The following LGR4 variants were observed in gnomAD, a reference collection of about 807,000 sequenced individuals.
LGR4 encodes leucine rich repeat containing G protein-coupled receptor 4, also known as leucine-rich repeat-containing G protein-coupled receptor 4.
LGR4 carries 44 observed loss-of-function variants against 84.8 expected under a neutral mutation model. The ratio of observed to expected loss-of-function variants is 0.52; its 90% CI spans 0.41 to 0.67. The LOEUF (loss-of-function observed/expected upper bound fraction) is 0.67, where lower values mean the gene tolerates loss of function less well. Ranked by LOEUF, LGR4 falls within the 30% of genes least tolerant of loss-of-function variation. LGR4 has a pLI of 0.00. For missense variants in LGR4, 1,032 were observed against 1,131.4 expected (o/e 0.91, Z 1.26); for synonymous variants, 429 against 434.3 (o/e 0.99, Z 0.15).
At chr11:27,418,876 C>G (rs1319544428) in intron 1 of LGR4, among the ~76,000 whole-genome samples, 1 of 149,940 alleles carries the variant, frequency 6.7e-6, no homozygotes, top group Non-Finnish European at 1.5e-5. Context: ...CTTTGTTGCC[C>G]CAGGCTAGAA....
chr11:27,371,463 G>T, intron 17 of LGR4, 152 bp downstream of exon 17: 1 of 510,358 alleles, frequency 2.0e-6, no homozygotes, highest in Non-Finnish European at 3.4e-6. Flanking sequence ...CTAAGCTGCT[G>T]GCTGGTACGC....
At chr11:27,439,701 T>C (rs1480624946) in intron 1 of LGR4, among the ~76,000 whole-genome samples, 2 of 152,158 alleles carry the variant, frequency 1.3e-5, no homozygotes, top group Non-Finnish European at 2.9e-5. Context: ...GGTGCATTTT[T>C]ACTCGGCAAT....
intron 11 of LGR4, among the ~76,000 whole-genome samples, 165 bp from the exon 12 acceptor site, chr11:27,377,388 ACCT>A (rs1863005076): frequency 6.6e-6 from 1 of 152,052 alleles, no homozygotes; most frequent in South Asian, 2.1e-4. Context: ...CTTCTCAAAT[ACCT>A]CAGTGATACA....
chr11:27,377,170 G>C lies in LGR4; in HGVS notation c.1097C>G (p.Ala366Gly), dbSNP rs747002151. The change falls in exon 12 of 18, where the codon GCT becomes GGT. Residue 366 changes from alanine to glycine, a missense_variant. By Grantham distance (60) the Ala-to-Gly change is moderately conservative. Coordinates refer to ENST00000379214, the MANE Select transcript of LGR4 (RefSeq NM_018490.5). ...AAGACCAACTCACATTTCTTCCAGA[G>C]CATGGCAACCATTAAAACTTGGAAG... ...RDLPSFNGCH[A>G]LEEISLQRNQ... is the part of the protein sequence containing the mutation. 1.3e-6 allele frequency: 2 copies of C among 1,587,086 alleles called. No homozygotes were observed. The highest frequency in any genetic ancestry group is 1.1e-5 in the South Asian group (1 of 88,988).
intron 1 of LGR4, among the ~76,000 whole-genome samples, chr11:27,413,453 A>G (rs188240329): frequency 9.1e-4 from 138 of 152,264 alleles, no homozygotes; most frequent in Non-Finnish European, 1.6e-3. Context: ...GTCCGCAGAA[A>G]GAAAACTCAC....
At chr11:27,372,084 C>T (rs570948482) in intron 16 of LGR4, among the ~76,000 whole-genome samples, 199 bp downstream of exon 16, 11 of 152,098 alleles carry the variant, frequency 7.2e-5, no homozygotes, top group East Asian at 1.9e-4. Flanking sequence ...AGGCTGGTCT[C>T]GAACTCTTAG....
intron 5 of LGR4, 79 bp from the exon 6 acceptor site, chr11:27,384,486 G>T: frequency 2.1e-6 from 2 of 965,402 alleles, no homozygotes; most frequent in Non-Finnish European, 3.3e-6. Flanking sequence ...TGTCTGAGTT[G>T]GTGTGTAAAG....
intron 1 of LGR4, among the ~76,000 whole-genome samples, chr11:27,471,293 G>A (rs2133467286): frequency 6.6e-6 from 1 of 152,340 alleles, no homozygotes; most frequent in East Asian, 1.9e-4. Context: ...AGATCTGCTG[G>A]CTGCGTGAAG....
intron 1 of LGR4, among the ~76,000 whole-genome samples, chr11:27,431,348 G>A (rs1864113565): frequency 1.3e-5 from 2 of 152,162 alleles, no homozygotes; most frequent in Non-Finnish European, 2.9e-5. Context: ...AACCACTGCA[G>A]TATATTACAA....
chr11:27,372,141 A>C (rs967358733), intron 16 of LGR4, 142 bp downstream of exon 16: 1 of 644,854 alleles, frequency 1.6e-6, no homozygotes, highest in African/African-American at 1.8e-5. Flanking sequence ...CTGAGATTAC[A>C]GGCATGAGCC....
chr11:27,398,897 TTC>T (rs374844521), intron 2 of LGR4, among the ~76,000 whole-genome samples: 4 of 151,822 alleles, frequency 2.6e-5, no homozygotes, highest in Admixed American at 6.6e-5. Context: ...CTCTTCCTCT[TTC>T]TCTCTCTCTC....
Position 27,398,069 on chromosome 11 carries a change from A to T in LGR4, c.258-5551T>A, listed in dbSNP as rs567890836. Among the ~76,000 whole-genome samples the T allele has an allele frequency of 2.0e-5, 3 of 152,340 alleles. No individual in the cohort carries two copies. The South Asian group carries it at 6.2e-4, about 32-fold the overall frequency. The stretch of plus-strand genomic sequence containing the variant: ...TGTGCATTTATTATTCATAAAGACC[A>T]TGGATTGACATTAGGGGCTCCTTCC... On this transcript the variant is annotated intron_variant, in intron 2 of 17. Transcript: ENST00000379214.
rs979329314 is a variant in LGR4 at position 27,432,806 on chromosome 11, G to C, written c.186-19946C>G. On this transcript the variant is annotated intron_variant, in intron 1 of 17. Coordinates refer to ENST00000379214, the MANE Select transcript of LGR4 (RefSeq NM_018490.5). The stretch of plus-strand genomic sequence containing the variant: ...TTGCATGCTTCACCTATATTCTTCC[G>C]CTCTGGCTAGGTCCTCTTCCCTTAG... Among the ~76,000 whole-genome samples, 5 of 152,086 alleles carry C rather than the reference G, an allele frequency of 3.3e-5. 1 individual carries two copies. Among genetic ancestry groups the C allele is most frequent in the Admixed American group, 2.6e-4 (4 of 15,264 alleles).
chr11:27,471,539 AG>A, intron 1 of LGR4, among the ~76,000 whole-genome samples: 1 of 152,360 alleles, frequency 6.6e-6, no homozygotes, highest in Admixed American at 6.5e-5. Context: ...GGGCCGAGGT[AG>A]GTGCCGGGAC....
At chr11:27,401,559 T>C (rs1863504195) in intron 2 of LGR4, among the ~76,000 whole-genome samples, 1 of 152,194 alleles carries the variant, frequency 6.6e-6, no homozygotes, top group South Asian at 2.1e-4. Flanking sequence ...CAAATATTTA[T>C]TGAGTTTTTA....
intron 1 of LGR4, among the ~76,000 whole-genome samples, chr11:27,437,318 T>A (rs191515543): frequency 6.6e-6 from 1 of 152,278 alleles, no homozygotes; most frequent in East Asian, 1.9e-4. Context: ...TATAAATTGC[T>A]GTTTTGAAAA....
Position 27,380,911 on chromosome 11 carries a change from G to T in LGR4, c.814C>A (p.Pro272Thr). ...AATACTTACATAGTTCTTAAGAGTG[G>T]ATTACCATCAAATGCTCCATCAGGG... ...VIPDGAFDGNPLLRTIHLYDN... is the reference protein window; with the variant it reads ...VIPDGAFDGNTLLRTIHLYDN... The change falls in exon 8 of 18, where the codon CCA becomes ACA. Residue 272 changes from proline (P) to threonine (T), a missense_variant. Transcript: ENST00000379214. The T allele has an allele frequency of 6.5e-7, 1 of 1,549,304 alleles. No homozygotes were observed. Among genetic ancestry groups the T allele is most frequent in the Non-Finnish European group, 8.9e-7 (1 of 1,121,660 alleles).
intron 1 of LGR4, among the ~76,000 whole-genome samples, chr11:27,463,589 C>G (rs1030715195): frequency 6.6e-6 from 1 of 152,008 alleles, no homozygotes; most frequent in Non-Finnish European, 1.5e-5. Flanking sequence ...AGTTCGAGAG[C>G]AGCCTGGCCA....
rs180969285 is a variant in LGR4 at position 27,459,158 on chromosome 11, A to T, written c.185+12960T>A. Among the ~76,000 whole-genome samples, 36 of 152,330 alleles carry T rather than the reference A, an allele frequency of 2.4e-4. No individual in the cohort carries two copies. The East Asian group carries it at 3.1e-3, about 13-fold the overall frequency. On this transcript the variant is annotated intron_variant, in intron 1 of 17. Coordinates refer to ENST00000379214, the MANE Select transcript of LGR4 (RefSeq NM_018490.5). ...AGTAATGATACCAAGAACCATCAGA[A>T]ATAACTTCTAGAAGAGATGTCTATA...
Sources: gnomAD v4.1 joint callset for allele counts (sites outside exome capture counted in the v4.1 genomes callset) on GRCh38, gnomAD v4.1.1 for gene constraint, MANE v1.5 for transcripts, NCBI Gene and HGNC (gene_info 2026-07-23, HGNC 2026-07-21) for gene names.